Variants in MIA2 observed in about 807,000 individuals in gnomAD.
The protein encoded by MIA2 is melanoma inhibitory activity protein 2.
Under a neutral mutation model 167.8 loss-of-function variants are expected in MIA2, and 127 were observed. The ratio of observed to expected loss-of-function variants is 0.76; its 90% confidence interval spans 0.66 to 0.88. MIA2 has a LOEUF of 0.88. MIA2 is among the 40% of genes least tolerant of loss of function. The probability of loss-of-function intolerance (pLI) is 0.00; values close to 1 mark genes in which losing one functional copy is unlikely to be tolerated. For synonymous variants in MIA2, 552 were observed against 541.9 expected (o/e 1.02, Z -0.26); for missense variants, 1,690 against 1,624.7 (o/e 1.04, Z -0.69).
intron 6 of MIA2, among the ~76,000 whole-genome samples, chr14:39,276,014 G>A (rs1310529800): frequency 2.0e-5 from 3 of 152,218 alleles, no homozygotes; most frequent in Non-Finnish European, 2.9e-5. Flanking sequence ...AAGATTTGCT[G>A]TAGAGGTTTT....
At position 39,288,447 on chromosome 14, in the gene MIA2, A is replaced by ATTTTTTTTTTTTTTT. The variant is rs1566746559; in HGVS notation, c.2131-2571_2131-2570insTTTTTTTTTTTTTTT. Among the ~76,000 whole-genome samples the ATTTTTTTTTTTTTTT allele has an allele frequency of 4.4e-4, 2 of 4,574 alleles. 1 individual carries two copies. The allele number at this position is 4,574 out of a possible 152,430, so 3.0% of individuals were successfully genotyped here. On this transcript the variant is annotated intron_variant, in intron 9 of 28. Coordinates refer to ENST00000640607, the MANE Select transcript of MIA2 (RefSeq NM_001329214.4). ...ATATATTATACATATATATATATAT[A>ATTTTTTTTTTTTTTT]TATATATATATATATATATATATAT...
chr14:39,277,387 A>G (rs918095811), intron 7 of MIA2, among the ~76,000 whole-genome samples: 20 of 151,594 alleles, frequency 1.3e-4, no homozygotes, highest in African/African-American at 4.4e-4. Flanking sequence ...TTAGCTGGAC[A>G]TGAGGACACC....
intron 25 of MIA2, among the ~76,000 whole-genome samples, chr14:39,335,755 TTGTCTC>T (rs758269088): frequency 6.6e-6 from 1 of 152,148 alleles, no homozygotes; most frequent in Non-Finnish European, 1.5e-5. Context: ...TTGCCTCCCT[TTGTCTC>T]TCCTCGCTCT....
Position 39,302,244 on chromosome 14 carries a change from A to G in MIA2, c.2735A>G (p.Tyr912Cys), listed in dbSNP as rs1209171670. 1 of 1,613,706 alleles carries G rather than the reference A, an allele frequency of 6.2e-7. No homozygotes were observed. The highest frequency in any genetic ancestry group is 1.1e-5 in the South Asian group (1 of 91,060). The change falls in exon 15 of 29, where the codon TAC becomes TGC. Residue 912 changes from tyrosine (Y) to cysteine (C), a missense_variant. By Grantham distance (194) the Tyr-to-Cys change is radical. Coordinates refer to ENST00000640607, the MANE Select transcript of MIA2 (RefSeq NM_001329214.4). ...AACAGTGAATCGGAAAATGGTGCTTACTTAGGTATTAAGTCATGACTCATC... is the reference window on the plus strand; with the variant it reads ...AACAGTGAATCGGAAAATGGTGCTTGCTTAGGTATTAAGTCATGACTCATC... ...EMNSESENGA[Y>C]LDNPPKGALK...
chr14:39,354,426 A>T (rs57633608), downstream of MIA2, among the ~76,000 whole-genome samples: 1 of 151,822 alleles, frequency 6.6e-6, no homozygotes, highest in African/African-American at 2.4e-5. Flanking sequence ...TTTTCTCGTA[A>T]ATTTGTTTGA....
intron 23 of MIA2, among the ~76,000 whole-genome samples, chr14:39,364,809 G>T (rs1268179915): frequency 6.6e-6 from 1 of 151,708 alleles, no homozygotes; most frequent in Non-Finnish European, 1.5e-5. Context: ...TTTCTGCTGA[G>T]AAATCTGTGG....
chr14:39,317,089 G>A (rs1039281959), intron 21 of MIA2, among the ~76,000 whole-genome samples: 7 of 152,242 alleles, frequency 4.6e-5, no homozygotes, highest in South Asian at 2.1e-4. Context: ...TATAAAGATC[G>A]GGACAGCCAG....
At chr14:39,260,988 T>C (rs1594733724) in intron 6 of MIA2, among the ~76,000 whole-genome samples, 2 of 152,234 alleles carry the variant, frequency 1.3e-5, no homozygotes, top group East Asian at 1.9e-4. Context: ...TTCTTGTTTT[T>C]TTTTCTTTTT....
chr14:39,309,286 T>G (rs1053770875), intron 18 of MIA2, among the ~76,000 whole-genome samples: 12 of 152,220 alleles, frequency 7.9e-5, no homozygotes, highest in African/African-American at 2.9e-4. Context: ...ATGGTCACTC[T>G]CGTGCTCAAA....
intron 27 of MIA2, 74 bp from the exon 28 acceptor site, chr14:39,348,669 C>T: frequency 6.4e-7 from 1 of 1,573,240 alleles, no homozygotes; most frequent in South Asian, 1.1e-5. Flanking sequence ...ATGATTTCTT[C>T]TAAGCCTGAG....
intron 6 of MIA2, among the ~76,000 whole-genome samples, chr14:39,273,655 C>G (rs1271736455): frequency 6.6e-6 from 1 of 151,810 alleles, no homozygotes; most frequent in Non-Finnish European, 1.5e-5. Flanking sequence ...GTATGTTAAA[C>G]CAACCTTGCA....
chr14:39,289,066 A>G (rs534440562), intron 9 of MIA2, among the ~76,000 whole-genome samples: 1 of 152,204 alleles, frequency 6.6e-6, no homozygotes, highest in African/African-American at 2.4e-5. Flanking sequence ...CTACTTTGAA[A>G]ATTTGGTAAA....
downstream of MIA2, among the ~76,000 whole-genome samples, chr14:39,354,637 T>C (rs1000229677): frequency 6.6e-6 from 1 of 152,226 alleles, no homozygotes; most frequent in Non-Finnish European, 1.5e-5. Flanking sequence ...TCCTTGCCCA[T>C]GCCTATGTCC....
chr14:39,374,398 C>A (rs529326121), intron 23 of MIA2, among the ~76,000 whole-genome samples: 1 of 152,144 alleles, frequency 6.6e-6, no homozygotes, highest in East Asian at 1.9e-4. Context: ...TTATACAGGT[C>A]CAAAATTATG....
intron 11 of MIA2, among the ~76,000 whole-genome samples, 160 bp downstream of exon 11, chr14:39,293,541 C>T (rs1326991319): frequency 2.4e-4 from 37 of 152,036 alleles, no homozygotes; most frequent in Admixed American, 2.4e-3. Flanking sequence ...TTTTCACTTC[C>T]CCCAGATGTT....
chr14:39,376,378 ATTTAGTG>A (rs1261680435), intron 23 of MIA2, among the ~76,000 whole-genome samples: 2 of 152,218 alleles, frequency 1.3e-5, no homozygotes, highest in African/African-American at 4.8e-5. Context: ...CTGTGGGTTG[ATTTAGTG>A]TTTTTAAAAG....
intron 20 of MIA2, chr14:39,315,316 A>T (rs1316793230): frequency 4.2e-5 from 7 of 167,068 alleles, no homozygotes; most frequent in African/African-American, 1.4e-4. Flanking sequence ...AAAAAAAAAA[A>T]AATAAAATAA....
rs1383430718 is a variant in MIA2, at chr14:39,247,133, A to G, written c.559A>G (p.Ile187Val). 3.1e-6 allele frequency: 5 copies of G among 1,613,878 alleles called. No individual in the cohort carries two copies. In the Admixed American group the frequency reaches 5.0e-5, roughly 16 times the overall value. ...TCCAGCATTAGAGGCTCCTGAAGAT[A>G]TCGGAAGTACCAGTGAATCAAAAGA... Reference protein sequence around the residue: ...QVPALEAPEDIGSTSESKDWE... With the variant: ...QVPALEAPEDVGSTSESKDWE... The change falls in exon 4 of 29, where the codon ATC becomes GTC. Residue 187 changes from isoleucine (I) to valine (V), a missense_variant. Coordinates refer to ENST00000640607, the MANE Select transcript of MIA2 (RefSeq NM_001329214.4).
At chr14:39,271,344 T>G (rs921378403) in intron 6 of MIA2, among the ~76,000 whole-genome samples, 1 of 152,206 alleles carries the variant, frequency 6.6e-6, no homozygotes, top group Non-Finnish European at 1.5e-5. Context: ...ATTACTACAT[T>G]ATCTTTAAAA....
Sources: gnomAD v4.1 joint callset for allele counts (sites outside exome capture counted in the v4.1 genomes callset) on GRCh38, gnomAD v4.1.1 for gene constraint, MANE v1.5 for transcripts, NCBI Gene and HGNC (gene_info 2026-07-23, HGNC 2026-07-21) for gene names.